Variants in KCNQ3 observed in about 807,000 individuals in gnomAD.
KCNQ3 encodes the protein potassium voltage-gated channel subfamily KQT member 3.
A neutral mutation model predicts 92.5 loss-of-function variants in KCNQ3; 30 were observed. That is an observed-to-expected ratio of 0.32 (90% CI 0.24 to 0.44). KCNQ3 has a LOEUF of 0.44. Ranked by LOEUF, KCNQ3 falls within the 20% of genes least tolerant of loss-of-function variation. KCNQ3 has a pLI of 1.00. For missense variants in KCNQ3, 913 were observed against 1,140.3 expected, an observed-to-expected ratio of 0.80 and a Z score of 2.87; for synonymous variants, 450 against 468.8, an observed-to-expected ratio of 0.96 and a Z score of 0.52.
chr8:132,154,024 G>C (rs900913093), intron 9 of KCNQ3, among the ~76,000 whole-genome samples: 5 of 151,146 alleles, frequency 3.3e-5, no homozygotes, highest in African/African-American at 1.2e-4. Context: ...TTTTCCTCCT[G>C]TCCTCTCTTC....
rs10639706 is a variant in KCNQ3, at chr8:132,186,954, GAC to G, written c.387-775_387-774del. Among the ~76,000 whole-genome samples, 216 of 119,594 alleles carry G rather than the reference GAC, an allele frequency of 1.8e-3. 2 individuals are homozygous for G. In the East Asian group the frequency reaches 0.019, roughly 11 times the overall value. The allele number at this position is 119,594 out of a possible 152,430, so 78.5% of individuals were successfully genotyped here. On this transcript the variant is annotated intron_variant, in intron 1 of 14. Coordinates refer to ENST00000388996, the MANE Select transcript of KCNQ3 (RefSeq NM_004519.4). ...TGTGTGAGAGAGAGAGAGAGAGAGAGACAGAGAGAGAGAGAGAGAGAGAGAGA... is the reference window on the plus strand; with the variant it reads ...TGTGTGAGAGAGAGAGAGAGAGAGAGAGAGAGAGAGAGAGAGAGAGAGAGA...
At chr8:132,272,368 G>A (rs1816177051) in intron 1 of KCNQ3, among the ~76,000 whole-genome samples, 1 of 152,202 alleles carries the variant, frequency 6.6e-6, no homozygotes, top group Admixed American at 6.5e-5. Flanking sequence ...GGGCCCACAT[G>A]GCCAAAGCTA....
chr8:132,457,661 C>T (rs936979136), intron 1 of KCNQ3, among the ~76,000 whole-genome samples: 2 of 152,208 alleles, frequency 1.3e-5, no homozygotes, highest in Non-Finnish European at 2.9e-5. Flanking sequence ...CGGAACCCCT[C>T]CCAGCAGTCC....
At chr8:132,363,545 A>C (rs990020469) in intron 1 of KCNQ3, among the ~76,000 whole-genome samples, 3 of 152,068 alleles carry the variant, frequency 2.0e-5, no homozygotes, top group African/African-American at 7.2e-5. Context: ...ATAAGGAAAC[A>C]CATCAAGGAA....
chr8:132,338,398 C>T (rs1378722892), intron 1 of KCNQ3, among the ~76,000 whole-genome samples: 1 of 152,178 alleles, frequency 6.6e-6, no homozygotes, highest in Non-Finnish European at 1.5e-5. Flanking sequence ...CCTGTGTGAG[C>T]TTGGATAAGC....
chr8:132,144,414 C>T (rs575342762), intron 9 of KCNQ3, among the ~76,000 whole-genome samples: 9 of 152,320 alleles, frequency 5.9e-5, no homozygotes, highest in South Asian at 4.1e-4. Flanking sequence ...CTCTGTTCTA[C>T]GCTGTATGGA....
At chr8:132,291,234 A>C (rs1283825905) in intron 1 of KCNQ3, among the ~76,000 whole-genome samples, 2 of 152,180 alleles carry the variant, frequency 1.3e-5, no homozygotes, top group Non-Finnish European at 2.9e-5. Flanking sequence ...CTGAACAATA[A>C]ATGTTAATTT....
chr8:132,303,675 T>TACAC (rs1353286057), intron 1 of KCNQ3, among the ~76,000 whole-genome samples: 2 of 30,760 alleles, frequency 6.5e-5, no homozygotes, highest in African/African-American at 2.8e-4. Context: ...TGTATATATA[T>TACAC]ATACACACAC....
chr8:132,410,104 G>A (rs1820609022), intron 1 of KCNQ3, among the ~76,000 whole-genome samples: 1 of 152,036 alleles, frequency 6.6e-6, no homozygotes, highest in Non-Finnish European at 1.5e-5. Context: ...AGTGTAGCTG[G>A]GTGACAGAAT....
chr8:132,139,942 C>G, intron 11 of KCNQ3, 134 bp downstream of exon 11: 2 of 651,126 alleles, frequency 3.1e-6, no homozygotes, highest in Non-Finnish European at 5.4e-6. Context: ...CTTCAGGGAC[C>G]TAACTCAGGG....
intron 1 of KCNQ3, among the ~76,000 whole-genome samples, chr8:132,459,363 C>T (rs1176016838): frequency 6.6e-6 from 1 of 152,164 alleles, no homozygotes; most frequent in East Asian, 1.9e-4. Context: ...GGCATGGTGT[C>T]AGCATCTGCA....
chr8:132,474,264 TA>T (rs1176491800), intron 1 of KCNQ3, among the ~76,000 whole-genome samples: 1 of 152,190 alleles, frequency 6.6e-6, no homozygotes, highest in Non-Finnish European at 1.5e-5. Context: ...TGCATTCATA[TA>T]TACTATTCTT....
Position 132,197,632 on chromosome 8 carries a change from C to T in KCNQ3, c.387-11451G>A, listed in dbSNP as rs376404764. 1.7e-4 allele frequency among the ~76,000 whole-genome samples: 25 copies of T among 150,502 alleles called. No individual in the cohort carries two copies. In the East Asian group the frequency reaches 4.8e-3, roughly 29 times the overall value. On this transcript the variant is annotated intron_variant, in intron 1 of 14. Transcript: ENST00000388996. ...TTTTCTCTTTCTTCTCCAGGACAAA[C>T]CATGTCTCTGATATATCCTGGATGC...
chr8:132,380,931 GAAAA>G (rs553931640), intron 1 of KCNQ3, among the ~76,000 whole-genome samples: 2,877 of 87,490 alleles, frequency 0.033, 95 homozygotes, highest in African/African-American at 0.094. Context: ...AATGAAAGCA[GAAAA>G]AAAAAAAAAA....
chr8:132,221,152 T>A (rs995633856), intron 1 of KCNQ3, among the ~76,000 whole-genome samples: 40 of 152,342 alleles, frequency 2.6e-4, no homozygotes, highest in Admixed American at 1.6e-3. Flanking sequence ...GAACTCATCC[T>A]TTTTTATGGC....
intron 1 of KCNQ3, among the ~76,000 whole-genome samples, chr8:132,266,568 CTGTT>C (rs1815988240): frequency 6.6e-6 from 1 of 151,928 alleles, no homozygotes; most frequent in Non-Finnish European, 1.5e-5. Context: ...GGAATGTGCT[CTGTT>C]TGGATCCAGT....
At chr8:132,143,824 G>GGTT (rs3837190) in intron 9 of KCNQ3, among the ~76,000 whole-genome samples, 127,772 of 151,792 alleles carry the variant, frequency 0.84, 54,081 homozygotes, top group Middle Eastern at 0.9. Context: ...AGGTTTTTTT[G>GGTT]GTTGTTGTTG....
At chr8:132,348,734 C>T (rs1389190035) in intron 1 of KCNQ3, among the ~76,000 whole-genome samples, 5 of 152,188 alleles carry the variant, frequency 3.3e-5, no homozygotes, top group Admixed American at 6.5e-5. Flanking sequence ...AAAAGATCAT[C>T]GTGTTCACCT....
chr8:132,268,274 T>C (rs1816050530), intron 1 of KCNQ3, among the ~76,000 whole-genome samples: 2 of 151,998 alleles, frequency 1.3e-5, no homozygotes, highest in African/African-American at 2.4e-5. Context: ...AGCTCTTTTT[T>C]GTTTGTTTGT....
Sources: allele counts gnomAD v4.1 joint callset (sites outside exome capture counted in the v4.1 genomes callset), GRCh38; gene constraint gnomAD v4.1.1; transcripts MANE v1.5; gene names NCBI Gene and HGNC (gene_info 2026-07-23, HGNC 2026-07-21).